NSMCE2: variants seen among roughly 807,000 people sequenced by gnomAD.
The protein encoded by NSMCE2 is E3 SUMO-protein ligase NSE2.
Under a neutral mutation model 23.8 loss-of-function variants are expected in NSMCE2, and 24 were observed. The observed-to-expected ratio is 1.01, with a 90% CI of 0.73 to 1.42. The LOEUF is 1.42. Among genes scored for constraint, NSMCE2 ranks in the 40% most tolerant of loss-of-function variants. The pLI is 0.00. For missense variants in NSMCE2, 284 were observed against 296.5 expected (o/e 0.96, Z 0.31); for synonymous variants, 92 against 94.1 (o/e 0.98, Z 0.13).
At chr8:125,217,351 A>ATTTTTT (rs1182912522) in intron 5 of NSMCE2, among the ~76,000 whole-genome samples, 1 of 149,884 alleles carries the variant, frequency 6.7e-6, no homozygotes, top group South Asian at 2.2e-4. Context: ...TTATTTATTT[A>ATTTTTT]TTTATTTATT....
intron 3 of NSMCE2, among the ~76,000 whole-genome samples, chr8:125,125,743 G>A (rs1363086342): frequency 6.6e-6 from 1 of 152,228 alleles, no homozygotes; most frequent in Non-Finnish European, 1.5e-5. Context: ...GTGGCAGGAT[G>A]TTGGCAGAAG....
intron 4 of NSMCE2, among the ~76,000 whole-genome samples, chr8:125,176,823 A>G (rs1013320821): frequency 6.6e-6 from 1 of 152,238 alleles, no homozygotes; most frequent in African/African-American, 2.4e-5. Flanking sequence ...GGCAGCAGAC[A>G]TCGGCAGCTG....
chr8:125,166,617 C>T (rs1821890891), intron 4 of NSMCE2, among the ~76,000 whole-genome samples: 1 of 152,134 alleles, frequency 6.6e-6, no homozygotes, highest in South Asian at 2.1e-4. Context: ...AGGAAGAAAA[C>T]AATTCACATT....
chr8:125,151,038 G>GT (rs1053272271), intron 3 of NSMCE2, 133 bp from the exon 4 acceptor site: 20 of 446,142 alleles, frequency 4.5e-5, no homozygotes, highest in African/African-American at 1.0e-4. Context: ...TTTTGAGGAG[G>GT]TTTTTTTAAA....
chr8:125,224,761 C>A (rs1325504873), intron 5 of NSMCE2, among the ~76,000 whole-genome samples: 1 of 152,144 alleles, frequency 6.6e-6, no homozygotes, highest in Non-Finnish European at 1.5e-5. Context: ...ATAGTGTTAT[C>A]CCCATTTTAC....
intron 1 of NSMCE2, among the ~76,000 whole-genome samples, chr8:125,093,593 C>T (rs541952665): frequency 1.3e-5 from 2 of 152,104 alleles, no homozygotes; most frequent in Admixed American, 1.3e-4. Context: ...TGTCCTGGCA[C>T]ACACCTGTAA....
chr8:125,247,277 G>A (rs1826023161), intron 5 of NSMCE2, among the ~76,000 whole-genome samples: 1 of 152,032 alleles, frequency 6.6e-6, no homozygotes. Flanking sequence ...AGGCTGCAGT[G>A]AGCCGTGTTC....
intron 5 of NSMCE2, among the ~76,000 whole-genome samples, chr8:125,343,848 A>T (rs935949662): frequency 2.0e-4 from 31 of 151,318 alleles, no homozygotes; most frequent in East Asian, 5.9e-4. Context: ...TAAGAAAAAT[A>T]AAAAAAAATT....
chr8:125,325,884 G>A (rs923773762), intron 5 of NSMCE2, among the ~76,000 whole-genome samples: 5 of 152,096 alleles, frequency 3.3e-5, no homozygotes, highest in South Asian at 2.1e-4. Flanking sequence ...CCTGGGAGGC[G>A]GAGGTTGCAG....
intron 1 of NSMCE2, among the ~76,000 whole-genome samples, chr8:125,100,145 C>T (rs1189197635): frequency 2.0e-5 from 3 of 152,042 alleles, no homozygotes; most frequent in Non-Finnish European, 4.4e-5. Flanking sequence ...AATTTCTATT[C>T]TGACTGCTTC....
At chr8:125,239,976 C>T (rs1825705463) in intron 5 of NSMCE2, among the ~76,000 whole-genome samples, 1 of 152,148 alleles carries the variant, frequency 6.6e-6, no homozygotes, top group African/African-American at 2.4e-5. Flanking sequence ...GCTGAGGCCA[C>T]TGTCAGCCTT....
chr8:125,227,023 G>A (rs1477817362), intron 5 of NSMCE2, among the ~76,000 whole-genome samples: 1 of 152,076 alleles, frequency 6.6e-6, no homozygotes, highest in Non-Finnish European at 1.5e-5. Context: ...ACCAGTGAGT[G>A]CCACATTCAC....
At chr8:125,301,358 A>G (rs76537035) in intron 5 of NSMCE2, among the ~76,000 whole-genome samples, 125 of 152,302 alleles carry the variant, frequency 8.2e-4, no homozygotes, top group Middle Eastern at 3.4e-3. Flanking sequence ...GCAGTGGCTC[A>G]TGGTATCCAG....
At chr8:125,169,464 C>T (rs1319820171) in intron 4 of NSMCE2, among the ~76,000 whole-genome samples, 1 of 152,186 alleles carries the variant, frequency 6.6e-6, no homozygotes, top group African/African-American at 2.4e-5. Context: ...ATGATTTTCT[C>T]CTGGGATTCT....
chr8:125,232,957 A>G lies in NSMCE2; in HGVS notation c.418+50701A>G, dbSNP rs1825390412. On this transcript the variant is annotated intron_variant, in intron 5 of 7. Transcript: ENST00000287437. Reference sequence around the variant, plus strand: ...TCAAGATTTTCATATGATGGTGACCAACTGCATTGCAAAAGAATGGTCACA... The same window carrying G: ...TCAAGATTTTCATATGATGGTGACCGACTGCATTGCAAAAGAATGGTCACA... 3.3e-5 allele frequency among the ~76,000 whole-genome samples: 5 copies of G among 152,220 alleles called. No individual in the cohort carries two copies. In the South Asian group the frequency reaches 1.0e-3, roughly 32 times the overall value.
chr8:125,324,018 A>G (rs1050751741), intron 5 of NSMCE2, among the ~76,000 whole-genome samples: 1 of 152,234 alleles, frequency 6.6e-6, no homozygotes. Context: ...AACAACAACA[A>G]AAAAACTAAC....
intron 5 of NSMCE2, among the ~76,000 whole-genome samples, chr8:125,282,297 A>G (rs1827726929): frequency 6.6e-6 from 1 of 152,086 alleles, no homozygotes; most frequent in African/African-American, 2.4e-5. Context: ...TATTTTTAGT[A>G]GAGCCGGGGT....
chr8:125,104,071 A>G (rs780827254), intron 3 of NSMCE2, among the ~76,000 whole-genome samples: 8 of 147,978 alleles, frequency 5.4e-5, no homozygotes, highest in Non-Finnish European at 1.0e-4. Context: ...GCTCACTGCA[A>G]CCTCCGCCTC....
chr8:125,148,573 CT>C (rs1196101196), intron 3 of NSMCE2, among the ~76,000 whole-genome samples: 5 of 152,104 alleles, frequency 3.3e-5, no homozygotes, highest in African/African-American at 1.2e-4. Context: ...TAGTGAGTGC[CT>C]GTTTGGTTTT....
Sources: allele counts gnomAD v4.1 joint callset (sites outside exome capture counted in the v4.1 genomes callset), GRCh38; gene constraint gnomAD v4.1.1; transcripts MANE v1.5; gene names NCBI Gene and HGNC (gene_info 2026-07-23, HGNC 2026-07-21).